Variants in ABCA4 observed in about 807,000 individuals in gnomAD.
ABCA4 encodes retinal-specific phospholipid-transporting ATPase ABCA4.
In ABCA4, 196 loss-of-function variants were observed where a neutral mutation model predicts 263.7. That is an observed-to-expected ratio of 0.74 (90% CI 0.66 to 0.84). ABCA4 has a LOEUF of 0.84. Ranked by LOEUF, ABCA4 falls within the 40% of genes least tolerant of loss-of-function variation. The probability of loss-of-function intolerance (pLI) is 0.00; values close to 1 mark genes in which losing one functional copy is unlikely to be tolerated. For synonymous variants in ABCA4, 1,133 were observed against 1,094.2 expected (o/e 1.04, Z -0.70); for missense variants, 2,792 against 2,855.1 (o/e 0.98, Z 0.50).
At chr1:94,012,447 C>G (rs1327734708) in intron 38 of ABCA4, among the ~76,000 whole-genome samples, 1 of 152,214 alleles carries the variant, frequency 6.6e-6, no homozygotes, top group Non-Finnish European at 1.5e-5. Flanking sequence ...CAGCACTTAT[C>G]ACATTCCCAT....
At chr1:94,068,749 T>G (rs1661336238) in intron 11 of ABCA4, among the ~76,000 whole-genome samples, 1 of 152,186 alleles carries the variant, frequency 6.6e-6, no homozygotes, top group South Asian at 2.1e-4. Flanking sequence ...CTGGCTATTG[T>G]AAGGGGCCAG....
chr1:94,086,154 A>G (rs515263), intron 6 of ABCA4, among the ~76,000 whole-genome samples: 39,700 of 152,122 alleles, frequency 0.26, 5,512 homozygotes, highest in Non-Finnish European at 0.32. Flanking sequence ...TGAGTAAATG[A>G]TCTTATCAGA....
rs756731889 is a variant in ABCA4 at position 94,042,771 on chromosome 1, C to T, written c.3318G>A (p.Lys1106=). 1.9e-6 allele frequency: 3 copies of T among 1,614,224 alleles called. No individual in the cohort carries two copies. The highest frequency in any genetic ancestry group is 2.2e-5 in the East Asian group (1 of 44,868). ...AGCAGCAGCTGTTACCTGAGCGATA[C>T]TTCAGGAGCAGATCCCAGATTGAGC... is the stretch of plus-strand genomic sequence containing the variant. ...SRRSIWDLLL[K]YRSGRTIIMS... Residue 1106 remains lysine, a synonymous_variant, in exon 22 of 50, where the codon AAG becomes AAA. Coordinates refer to ENST00000370225, the MANE Select transcript of ABCA4 (RefSeq NM_000350.3).
At chr1:94,033,907 G>A (rs1332009640) in intron 26 of ABCA4, among the ~76,000 whole-genome samples, 2 of 152,000 alleles carry the variant, frequency 1.3e-5, no homozygotes, top group Non-Finnish European at 2.9e-5. Context: ...GATCCCTACT[G>A]CCCCTCCTCT....
Position 94,113,216 on chromosome 1 carries a change from C to T in ABCA4, c.67-150G>A, listed in dbSNP as rs72960501. On this transcript the variant is annotated intron_variant, in intron 1 of 49. Transcript: ENST00000370225. ...TTACCTAAACAGTTTCCTTCCTTTA[C>T]CCCCTCCCCACCATACACCCTCTAC... is the stretch of plus-strand genomic sequence containing the variant. 17,867 of 750,476 alleles carry T rather than the reference C, an allele frequency of 0.024. 515 individuals carry two copies. The highest frequency in any genetic ancestry group is 0.11 in the African/African-American group (6,395 of 57,600). 46.5% of individuals were successfully genotyped at this position (750,476 alleles called of 1,614,324 possible).
At chr1:94,064,767 C>A (rs760886153) in intron 11 of ABCA4, among the ~76,000 whole-genome samples, 1 of 152,076 alleles carries the variant, frequency 6.6e-6, no homozygotes, top group Non-Finnish European at 1.5e-5. Flanking sequence ...GTTTGCCCTG[C>A]GGGACTCAGT....
intron 36 of ABCA4, among the ~76,000 whole-genome samples, chr1:94,016,157 T>C (rs1262988340): frequency 6.6e-6 from 1 of 152,236 alleles, no homozygotes; most frequent in African/African-American, 2.4e-5. Flanking sequence ...TTGATTCTTC[T>C]TTCTAAGCAT....
chr1:94,027,710 G>T (rs569935752), intron 30 of ABCA4, among the ~76,000 whole-genome samples: 112 of 152,286 alleles, frequency 7.4e-4, no homozygotes, highest in African/African-American at 2.6e-3. Flanking sequence ...CCCATTATTT[G>T]CTCCTCCCTG....
At chr1:94,048,107 G>T (rs928737947) in intron 18 of ABCA4, among the ~76,000 whole-genome samples, 76 of 152,352 alleles carry the variant, frequency 5.0e-4, no homozygotes, top group African/African-American at 1.7e-3. Context: ...GGGAGGGGCT[G>T]CAGGTCTCTG....
At position 94,014,558 on chromosome 1, in the gene ABCA4, T is replaced by G; in HGVS notation, c.5445A>C (p.Leu1815Phe). Residue 1815 changes from leucine to phenylalanine, a missense_variant, in exon 38 of 50, where the codon TTA becomes TTC. Leu to Phe is a conservative substitution (Grantham distance 22, BLOSUM62 0). Coordinates refer to ENST00000370225, the MANE Select transcript of ABCA4 (RefSeq NM_000350.3). Reference sequence around the variant, plus strand: ...TTATGCTCACCCGGTTATTCTCAAATAATTCCAAGATGAAGGTAATAGCAC... The same window carrying G: ...TTATGCTCACCCGGTTATTCTCAAAGAATTCCAAGATGAAGGTAATAGCAC... Reference protein sequence around the residue: ...NSSAITFILELFENNRTLLRF... With the variant: ...NSSAITFILEFFENNRTLLRF... The G allele has an allele frequency of 6.2e-7, 1 of 1,614,200 alleles. No homozygotes were observed. The highest frequency in any genetic ancestry group is 8.5e-7 in the Non-Finnish European group (1 of 1,180,028).
At chr1:94,013,543 T>G (rs1481246936) in intron 38 of ABCA4, among the ~76,000 whole-genome samples, 1 of 152,132 alleles carries the variant, frequency 6.6e-6, no homozygotes, top group Non-Finnish European at 1.5e-5. Flanking sequence ...AGGCACGTGG[T>G]GAGGCAAATG....
chr1:94,103,756 G>C (rs991099690), intron 4 of ABCA4, among the ~76,000 whole-genome samples: 4 of 152,188 alleles, frequency 2.6e-5, no homozygotes, highest in Non-Finnish European at 2.9e-5. Flanking sequence ...GATGCTCAGG[G>C]CACTGACATG....
At position 94,072,557 on chromosome 1, in the gene ABCA4, AT is replaced by A. The variant is rs1661433255; in HGVS notation, c.1554+5132del. On this transcript the variant is annotated intron_variant, in intron 11 of 49. Transcript: ENST00000370225. Reference sequence around the variant, plus strand: ...TGAAGGGCAATAAGAAGAATAATGTATTAATTTTTCTAATTGAGCTTTTCTC... The same window carrying A: ...TGAAGGGCAATAAGAAGAATAATGTATAATTTTTCTAATTGAGCTTTTCTC... 2.6e-5 allele frequency among the ~76,000 whole-genome samples: 4 copies of A among 152,360 alleles called. No homozygotes were observed. In the South Asian group the frequency reaches 8.3e-4, roughly 32 times the overall value.
intron 11 of ABCA4, among the ~76,000 whole-genome samples, 197 bp downstream of exon 11, chr1:94,077,493 G>A (rs934853402): frequency 6.6e-6 from 1 of 152,192 alleles, no homozygotes; most frequent in African/African-American, 2.4e-5. Context: ...AGAGGAAACC[G>A]TTTTCAGCAT....
At chr1:94,108,003 G>A (rs1001706320) in intron 4 of ABCA4, among the ~76,000 whole-genome samples, 5 of 152,034 alleles carry the variant, frequency 3.3e-5, no homozygotes, top group African/African-American at 7.2e-5. Context: ...CCTTCAGCCC[G>A]CTGCCTGTTG....
chr1:94,043,021 T>A, intron 21 of ABCA4, 123 bp from the exon 22 acceptor site: 1 of 1,405,024 alleles, frequency 7.1e-7, no homozygotes, highest in Non-Finnish European at 1.0e-6. Flanking sequence ...GCCTCTTAGA[T>A]GTTTATAGCG....
chr1:94,111,423 G>A lies in ABCA4; in HGVS notation c.302+15C>T, dbSNP rs201042274. ...GCAACTTCCTCCCCTGCATGGTAGG[G>A]ATCTCAACACTTACATGGAGTTGTT... On this transcript the variant is annotated intron_variant, in intron 3 of 49. Transcript: ENST00000370225. The A allele has an allele frequency of 2.5e-6, 4 of 1,613,526 alleles. No individual in the cohort carries two copies. The highest frequency in any genetic ancestry group is 3.4e-6 in the Non-Finnish European group (4 of 1,179,838).
chr1:94,115,988 C>A (rs1192155748), intron 1 of ABCA4, among the ~76,000 whole-genome samples: 2 of 152,142 alleles, frequency 1.3e-5, no homozygotes, highest in Non-Finnish European at 2.9e-5. Flanking sequence ...GCTTGGCCTG[C>A]CTGTTCCAGG....
chr1:94,040,029 C>A lies in ABCA4; in HGVS notation c.3607+14G>T. The A allele has an allele frequency of 1.9e-6, 3 of 1,588,168 alleles. No individual in the cohort carries two copies. The highest frequency in any genetic ancestry group is 8.6e-7 in the Non-Finnish European group (1 of 1,164,508). On this transcript the variant is annotated intron_variant, in intron 24 of 49. Coordinates refer to ENST00000370225, the MANE Select transcript of ABCA4 (RefSeq NM_000350.3). Reference sequence around the variant, plus strand: ...TGCCAGACGGAACCCAAGTATGGCCCGTCCAGTCCTTACCATCCAGGACTT... The same window carrying A: ...TGCCAGACGGAACCCAAGTATGGCCAGTCCAGTCCTTACCATCCAGGACTT...
Sources: gnomAD v4.1 joint callset for allele counts (sites outside exome capture counted in the v4.1 genomes callset) on GRCh38, gnomAD v4.1.1 for gene constraint, MANE v1.5 for transcripts, NCBI Gene and HGNC (gene_info 2026-07-23, HGNC 2026-07-21) for gene names.